COXFA4: variants seen among roughly 807,000 people sequenced by gnomAD.
COXFA4 encodes the protein cytochrome c oxidase subunit FA4.
chr7:10,939,957 G>A, the COXFA4 span: 5 of 1,592,618 alleles, frequency 3.1e-6, no homozygotes, highest in African/African-American at 1.3e-5. Context: ...AACAGAAAGA[G>A]GCGCACCCCG....
the COXFA4 span, among the ~76,000 whole-genome samples, chr7:10,937,379 T>C: frequency 6.6e-6 from 1 of 151,708 alleles, no homozygotes; most frequent in East Asian, 1.9e-4. Flanking sequence ...ACCTCCCAGG[T>C]TCAAGCGATT....
At chr7:10,934,510 A>T in the COXFA4 span, among the ~76,000 whole-genome samples, 4 of 152,096 alleles carry the variant, frequency 2.6e-5, no homozygotes, top group African/African-American at 9.7e-5. Context: ...TCTTGGGTTT[A>T]CTCATTCTTG....
At chr7:10,938,925 T>G in the COXFA4 span, 2 of 1,542,560 alleles carry the variant, frequency 1.3e-6, no homozygotes, top group South Asian at 1.1e-5. Flanking sequence ...AGAATAACCA[T>G]CTTCAAATAC....
the COXFA4 span, among the ~76,000 whole-genome samples, chr7:10,936,058 G>A: frequency 2.0e-5 from 3 of 152,252 alleles, no homozygotes; most frequent in Admixed American, 6.5e-5. Flanking sequence ...TCTGATGTCA[G>A]TGGGCCAGAA....
the COXFA4 span, chr7:10,939,167 T>A: frequency 2.9e-6 from 1 of 346,678 alleles, no homozygotes; most frequent in Non-Finnish European, 5.5e-6. Context: ...GGTACATTTT[T>A]AAATTTCCAA....
the COXFA4 span, chr7:10,937,941 C>G: frequency 5.3e-5 from 35 of 657,156 alleles, no homozygotes; most frequent in African/African-American, 5.6e-4. Context: ...AGCAATATAC[C>G]ATTTTCATTT....
the COXFA4 span, chr7:10,932,614 C>T: frequency 1.1e-4 from 17 of 152,186 alleles, no homozygotes; most frequent in African/African-American, 4.1e-4. Flanking sequence ...TTACACACAC[C>T]TATGTGAAAA....
the COXFA4 span, chr7:10,933,637 T>C: frequency 1.2e-6 from 2 of 1,609,166 alleles, no homozygotes; most frequent in Non-Finnish European, 1.7e-6. Flanking sequence ...ACATTTCATT[T>C]AGAAATCTGG....
chr7:10,939,461 C>T, the COXFA4 span: 9 of 179,714 alleles, frequency 5.0e-5, no homozygotes, highest in African/African-American at 2.1e-4. Context: ...TTTAGCTCTA[C>T]AGCACATTGA....
the COXFA4 span, chr7:10,938,023 A>G: frequency 1.4e-5 from 19 of 1,364,586 alleles, no homozygotes; most frequent in Non-Finnish European, 1.9e-5. Context: ...TTTCAAGAAA[A>G]CCCACCCCAT....
the COXFA4 span, chr7:10,939,405 G>A: frequency 5.6e-6 from 1 of 177,964 alleles, no homozygotes; most frequent in African/African-American, 2.4e-5. Flanking sequence ...TGCTTGCTGC[G>A]TATTTAGGGA....
the COXFA4 span, among the ~76,000 whole-genome samples, chr7:10,935,872 T>C: frequency 6.6e-6 from 1 of 152,260 alleles, no homozygotes; most frequent in Admixed American, 6.5e-5. Context: ...ATGCCATCTG[T>C]ATGCTGATTG....
At chr7:10,933,849 C>T in the COXFA4 span, among the ~76,000 whole-genome samples, 2 of 152,070 alleles carry the variant, frequency 1.3e-5, no homozygotes, top group African/African-American at 2.4e-5. Context: ...CAGAAAAATA[C>T]TGTACCTAAA....
At chr7:10,939,915 G>GT in the COXFA4 span, 1 of 1,329,920 alleles carries the variant, frequency 7.5e-7, no homozygotes, top group Non-Finnish European at 1.1e-6. Context: ...CTGACGGACG[G>GT]TAAGTGGCTG....
At chr7:10,938,590 G>A in the COXFA4 span, 1 of 507,994 alleles carries the variant, frequency 2.0e-6, no homozygotes, top group South Asian at 2.3e-5. Context: ...GGTATTAGCA[G>A]TTCTACTTTA....
At chr7:10,932,418 T>C in the COXFA4 span, 1 of 152,252 alleles carries the variant, frequency 6.6e-6, no homozygotes, top group Non-Finnish European at 1.5e-5. Context: ...CAGAATGAAT[T>C]CAAGTAATTC....
chr7:10,938,220 T>G, the COXFA4 span: 1 of 1,302,990 alleles, frequency 7.7e-7, no homozygotes, highest in South Asian at 1.2e-5. Flanking sequence ...AGAATACATT[T>G]TTGAACAGAT....
the COXFA4 span, among the ~76,000 whole-genome samples, chr7:10,934,376 T>TAA: frequency 0.032 from 4,101 of 126,910 alleles, 81 homozygotes; most frequent in Middle Eastern, 0.057. Flanking sequence ...GTGATTGCTT[T>TAA]AAAAAAAAAA....
the COXFA4 span, chr7:10,938,154 G>A: frequency 1.2e-6 from 2 of 1,610,356 alleles, no homozygotes; most frequent in East Asian, 2.2e-5. Flanking sequence ...CCAACTAAAA[G>A]AAATAAAACA....
Sources: gnomAD v4.1 joint callset for allele counts (sites outside exome capture counted in the v4.1 genomes callset) on GRCh38, gnomAD v4.1.1 for gene constraint, MANE v1.5 for transcripts, NCBI Gene and HGNC (gene_info 2026-07-23, HGNC 2026-07-21) for gene names.